The following KIFC3 variants were observed in gnomAD, a reference collection of about 807,000 sequenced individuals.
KIFC3 encodes kinesin family member C3.
Under a neutral mutation model 101.8 loss-of-function variants are expected in KIFC3, and 60 were observed. The ratio of observed to expected loss-of-function variants is 0.59; its 90% CI spans 0.48 to 0.73. The LOEUF (loss-of-function observed/expected upper bound fraction) is 0.73, where lower values mean the gene tolerates loss of function less well. Ranked by LOEUF, KIFC3 falls within the 30% of genes least tolerant of loss-of-function variation. KIFC3 has a pLI of 0.00. For synonymous variants in KIFC3, 476 were observed against 482.7 expected (o/e 0.99, Z 0.18); for missense variants, 966 against 1,137.1 (o/e 0.85, Z 2.16).
At position 57,769,536 on chromosome 16, in the gene KIFC3, C is replaced by T. The variant is rs1440501266; in HGVS notation, c.1218+59G>A. The T allele has an allele frequency of 1.4e-5, 22 of 1,553,354 alleles. No individual in the cohort carries two copies. Among genetic ancestry groups the T allele is most frequent in the Non-Finnish European group, 1.5e-5 (17 of 1,151,086 alleles). On this transcript the variant is annotated intron_variant, in intron 9 of 19. Transcript: ENST00000445690. The surrounding 1 kb of genome is among the most constrained non-coding windows in gnomAD (Gnocchi z 4.3). ...TTGGAGGGACGCCCTGAGTGGATGTCGTGCCTCTCCCAGTGCACCCCCTTA... is the reference window on the plus strand; with the variant it reads ...TTGGAGGGACGCCCTGAGTGGATGTTGTGCCTCTCCCAGTGCACCCCCTTA...
intron 1 of KIFC3, among the ~76,000 whole-genome samples, chr16:57,846,092 A>C (rs1478216681): frequency 1.3e-5 from 2 of 152,036 alleles, no homozygotes; most frequent in African/African-American, 2.4e-5. Context: ...TGGAGACCCA[A>C]CCCTTTCATG....
intron 1 of KIFC3, among the ~76,000 whole-genome samples, chr16:57,834,409 T>G (rs1366374445): frequency 6.6e-6 from 1 of 152,208 alleles, no homozygotes. Context: ...CATTATACAA[T>G]TCATTAATTA....
chr16:57,855,030 G>A (rs2056135222), intron 1 of KIFC3, among the ~76,000 whole-genome samples: 1 of 151,572 alleles, frequency 6.6e-6, no homozygotes, highest in Admixed American at 6.6e-5. Flanking sequence ...GATGAGCCTG[G>A]GCAACATAGC....
intron 1 of KIFC3, among the ~76,000 whole-genome samples, chr16:57,826,470 T>A (rs1456220111): frequency 2.6e-5 from 4 of 152,228 alleles, no homozygotes; most frequent in Admixed American, 2.6e-4. Context: ...CCAGTGTTTT[T>A]AAATGTTTAA....
At chr16:57,845,530 C>T (rs1189005044) in intron 1 of KIFC3, among the ~76,000 whole-genome samples, 1 of 152,162 alleles carries the variant, frequency 6.6e-6, no homozygotes, top group African/African-American at 2.4e-5. Flanking sequence ...CTAAAATCTG[C>T]CAGACAGCCT....
chr16:57,764,577 C>T (rs2050237358), intron 11 of KIFC3, among the ~76,000 whole-genome samples: 1 of 152,216 alleles, frequency 6.6e-6, no homozygotes, highest in African/African-American at 2.4e-5. Context: ...GGCCTGCCTG[C>T]CAGCCATCAG....
At chr16:57,833,710 G>C (rs937264627) in intron 1 of KIFC3, among the ~76,000 whole-genome samples, 1 of 152,120 alleles carries the variant, frequency 6.6e-6, no homozygotes, top group Non-Finnish European at 1.5e-5. Flanking sequence ...ACACCTGGGA[G>C]GGGGAGGGAC....
At position 57,795,102 on chromosome 16, in the gene KIFC3, G is replaced by A; in HGVS notation, c.212C>T (p.Ser71Phe). 1 of 1,610,408 alleles carries A rather than the reference G, an allele frequency of 6.2e-7. No homozygotes were observed. The highest frequency in any genetic ancestry group is 8.5e-7 in the Non-Finnish European group (1 of 1,178,540). Residue 71 changes from serine to phenylalanine, a missense_variant, in exon 3 of 20, where the codon TCC becomes TTC. By Grantham distance (155) the Ser-to-Phe change is radical. Coordinates refer to ENST00000445690, the MANE Select transcript of KIFC3 (RefSeq NM_001130100.2). ...KDTPVCGDED[S>F]SARSAARPAL... The stretch of plus-strand genomic sequence containing the variant: ...TGGGCGAGCTGCACTTCGGGCACTG[G>A]AGTCCTCGTCACCGCAGACTGGGGT...
intron 1 of KIFC3, chr16:57,817,007 C>T (rs1392832992): frequency 1.5e-4 from 47 of 322,330 alleles, no homozygotes; most frequent in Non-Finnish European, 2.6e-4. Context: ...CACATGCATT[C>T]ATTTCCTGGG....
chr16:57,774,499 AC>A (rs1555610705), intron 3 of KIFC3, among the ~76,000 whole-genome samples: 3 of 151,860 alleles, frequency 2.0e-5, no homozygotes, highest in Non-Finnish European at 4.4e-5. Flanking sequence ...ATTATAGTTG[AC>A]AAAATCTTTA....
chr16:57,798,333 C>G (rs2054506228), intron 1 of KIFC3, 51 bp from the exon 2 acceptor site: 6 of 1,489,224 alleles, frequency 4.0e-6, no homozygotes, highest in Non-Finnish European at 3.6e-6. Context: ...ACCAGCACAA[C>G]TGCACCTCGG....
intron 3 of KIFC3, among the ~76,000 whole-genome samples, chr16:57,778,248 G>A (rs1239074065): frequency 6.6e-6 from 1 of 152,130 alleles, no homozygotes; most frequent in Non-Finnish European, 1.5e-5. Flanking sequence ...CCACCACACT[G>A]CAGCCTGGGC....
chr16:57,774,705 TAATG>T, intron 3 of KIFC3: 1 of 363,338 alleles, frequency 2.8e-6, no homozygotes. Context: ...TTTTTTTTTT[TAATG>T]TATAGAAGGG....
chr16:57,767,087 G>A, intron 9 of KIFC3, 102 bp from the exon 10 acceptor site: 1 of 848,890 alleles, frequency 1.2e-6, no homozygotes, highest in Admixed American at 1.9e-5. Context: ...GCCCCTGGCT[G>A]AGTACCTGAC....
Position 57,769,888 on chromosome 16 carries a change from T to C in KIFC3, c.1007A>G (p.Glu336Gly). Residue 336 changes from glutamate (E) to glycine (G), a missense_variant, in exon 8 of 20, where the codon GAA (glutamate) becomes GGA (glycine). Glu to Gly is a moderately conservative substitution (Grantham distance 98). This residue lies in a region of KIFC3 where 689 missense variants were observed against 884.6 expected (regional missense o/e 0.78). Transcript: ENST00000445690. The surrounding 1 kb of genome is among the most constrained non-coding windows in gnomAD (Gnocchi z 4.3). ...GQMLEEMQSL[E>G]EDKNRAIEEA... ...CTCAATGGCCCGGTTCTTGTCCTCT[T>C]CCAGGGACTGCATCTCCTCCAGCAT... 1 of 1,613,886 alleles carries C rather than the reference T, an allele frequency of 6.2e-7. No homozygotes were observed. Among genetic ancestry groups the C allele is most frequent in the Non-Finnish European group, 8.5e-7 (1 of 1,180,014 alleles).
intron 1 of KIFC3, among the ~76,000 whole-genome samples, chr16:57,849,718 C>CA (rs1434554852): frequency 6.6e-6 from 1 of 152,006 alleles, no homozygotes; most frequent in Non-Finnish European, 1.5e-5. Flanking sequence ...GCCTGGCCAG[C>CA]ATGATAAAAC....
intron 1 of KIFC3, among the ~76,000 whole-genome samples, chr16:57,859,397 G>A (rs1371456615): frequency 1.3e-5 from 2 of 152,158 alleles, no homozygotes; most frequent in African/African-American, 4.8e-5. Context: ...ATAAGGCTAC[G>A]TTCCTCACCC....
Position 57,850,418 on chromosome 16 carries a change from T to TA in KIFC3, c.108+12310dup, listed in dbSNP as rs1423444405. ...ACCCTGTCACACACAAACAAAATAA[T>TA]ATAATACAATAATAATAATAATAAA... On this transcript the variant is annotated intron_variant, in intron 1 of 2. Coordinates refer to the KIFC3 transcript ENST00000563028. 6.9e-5 allele frequency among the ~76,000 whole-genome samples: 10 copies of TA among 144,902 alleles called. No homozygotes were observed. The Admixed American group carries it at 7.0e-4, about 10-fold the overall frequency.
chr16:57,767,053 C>A, intron 9 of KIFC3, 68 bp from the exon 10 acceptor site: 1 of 1,295,658 alleles, frequency 7.7e-7, no homozygotes, highest in Non-Finnish European at 1.1e-6. Flanking sequence ...ACTGCCCACC[C>A]CTGAGGGGTG....
Sources: gnomAD v4.1 joint callset for allele counts (sites outside exome capture counted in the v4.1 genomes callset) on GRCh38, gnomAD v4.1.1 for gene constraint, gnomAD v4.1.1 regional missense constraint, Gnocchi (gnomAD v3.1) non-coding constraint, MANE v1.5 for transcripts, NCBI Gene and HGNC (gene_info 2026-07-23, HGNC 2026-07-21) for gene names.